The following PLXNA1 variants were observed in gnomAD, a reference collection of about 807,000 sequenced individuals.
PLXNA1 encodes plexin A1, also known as plexin-A1.
A neutral mutation model predicts 191.7 loss-of-function variants in PLXNA1; 77 were observed. That is an observed-to-expected ratio of 0.40 (90% confidence interval 0.33 to 0.49). The LOEUF (loss-of-function observed/expected upper bound fraction) is 0.49, where lower values mean the gene tolerates loss of function less well. PLXNA1 is among the 20% of genes least tolerant of loss of function. The probability of loss-of-function intolerance (pLI) is 0.63; values close to 1 mark genes in which losing one functional copy is unlikely to be tolerated. For missense variants in PLXNA1, 2,110 were observed against 2,660.2 expected (o/e 0.79, Z 4.55); for synonymous variants, 1,137 against 1,156.4 (o/e 0.98, Z 0.34).
Position 126,989,206 on chromosome 3 carries a change from C to T in PLXNA1, c.613C>T (p.Arg205Trp), listed in dbSNP as rs1576667727. The T allele has an allele frequency of 8.7e-6, 14 of 1,613,646 alleles. No individual in the cohort carries two copies. The highest frequency in any genetic ancestry group is 1.2e-5 in the Non-Finnish European group (14 of 1,180,048). Reference sequence around the variant, plus strand: ...GTACTTCCCCACACTGTCCAGCCGTCGGCTCATGGCCAACGAGGAGGATGC... The same window carrying T: ...GTACTTCCCCACACTGTCCAGCCGTTGGCTCATGGCCAACGAGGAGGATGC... ...SEYFPTLSSR[R>W]LMANEEDADM... The change falls in exon 2 of 32, where the codon CGG becomes TGG. Residue 205 changes from arginine to tryptophan, a missense_variant. Transcript: ENST00000393409.
intron 29 of PLXNA1, among the ~76,000 whole-genome samples, chr3:127,031,000 G>A (rs2079207377): frequency 6.6e-6 from 1 of 152,138 alleles, no homozygotes; most frequent in Admixed American, 6.5e-5. Flanking sequence ...GTTATGAAGA[G>A]GCACCCAGCC....
intron 8 of PLXNA1, 27 bp downstream of exon 8, chr3:127,006,205 G>C: frequency 6.4e-7 from 1 of 1,557,466 alleles, no homozygotes; most frequent in Non-Finnish European, 8.9e-7. Context: ...CCCTCCGCCC[G>C]CCTGGGCCTG....
At chr3:127,028,152 G>T (rs774241636) in intron 24 of PLXNA1, 29 bp from the exon 25 acceptor site, 28 of 1,612,930 alleles carry the variant, frequency 1.7e-5, no homozygotes, top group South Asian at 3.3e-5. Flanking sequence ...TGGGGCTGAC[G>T]CTGCCCCCTT....
At chr3:127,030,206 C>T (rs369322401) in intron 28 of PLXNA1, 37 bp from the exon 29 acceptor site, 392 of 1,603,806 alleles carry the variant, frequency 2.4e-4, no homozygotes, top group Non-Finnish European at 1.2e-4. Flanking sequence ...AGCCAGGCAG[C>T]GCCCTGGGGC....
At position 127,030,238 on chromosome 3, in the gene PLXNA1, C is replaced by G; in HGVS notation, c.5062-5C>G. ...GGGCTCAGTGTCCCTGCCTGCCCCC[C>G]GCAGGGCACACTGCAGAAGTTTGTG... is the stretch of plus-strand genomic sequence containing the variant. On this transcript the variant is annotated splice_polypyrimidine_tract_variant and splice_region_variant and intron_variant, in intron 28 of 31. Coordinates refer to ENST00000393409, the MANE Select transcript of PLXNA1 (RefSeq NM_032242.4). 4 of 1,612,834 alleles carry G rather than the reference C, an allele frequency of 2.5e-6. No individual in the cohort carries two copies. Among genetic ancestry groups the G allele is most frequent in the Non-Finnish European group, 3.4e-6 (4 of 1,179,440 alleles).
chr3:126,999,080 G>C (rs919224093), intron 3 of PLXNA1, among the ~76,000 whole-genome samples: 4 of 152,194 alleles, frequency 2.6e-5, no homozygotes, highest in Non-Finnish European at 5.9e-5. Flanking sequence ...GGGGTGAGGA[G>C]GGTCTGGGAG....
At chr3:127,000,407 C>T (rs939679655) in intron 3 of PLXNA1, among the ~76,000 whole-genome samples, 2 of 152,158 alleles carry the variant, frequency 1.3e-5, no homozygotes, top group African/African-American at 2.4e-5. Context: ...CAGCTGTGGC[C>T]AGGGTGTGGG....
chr3:126,991,134 T>G (rs543211245), intron 2 of PLXNA1, among the ~76,000 whole-genome samples: 1 of 152,226 alleles, frequency 6.6e-6, no homozygotes, highest in South Asian at 2.1e-4. Flanking sequence ...CCCTCCACAC[T>G]GGCCCCCAGC....
chr3:127,018,517 A>G lies in PLXNA1; in HGVS notation c.3884A>G (p.Glu1295Gly). The part of the protein sequence containing the change: ...MDNLESRVAL[E>G]CKEAFAELQT... ...AACCTGGAGTCCCGCGTGGCCCTCGAATGCAAGGAAGGTCTGTTGGGGCCA... is the reference window on the plus strand; with the variant it reads ...AACCTGGAGTCCCGCGTGGCCCTCGGATGCAAGGAAGGTCTGTTGGGGCCA... Residue 1295 changes from glutamate to glycine, a missense_variant, in exon 20 of 32, where the codon GAA becomes GGA. This residue lies in a region of PLXNA1 where 559 missense variants were observed against 911.5 expected (regional missense o/e 0.61). Transcript: ENST00000393409. 6.2e-7 allele frequency: 1 copy of G among 1,608,438 alleles called. No individual in the cohort carries two copies. The highest frequency in any genetic ancestry group is 8.5e-7 in the Non-Finnish European group (1 of 1,176,470).
At chr3:126,997,898 C>T (rs76724636) in intron 3 of PLXNA1, among the ~76,000 whole-genome samples, 4,293 of 152,344 alleles carry the variant, frequency 0.028, 100 homozygotes, top group Middle Eastern at 0.051. Context: ...TTCCCCATGC[C>T]GTCCTGTGTG....
At chr3:126,993,364 C>T (rs1023190659) in intron 3 of PLXNA1, among the ~76,000 whole-genome samples, 8 of 152,234 alleles carry the variant, frequency 5.3e-5, no homozygotes, top group African/African-American at 1.9e-4. Context: ...GAGGACCGTT[C>T]TCAGGGAGGC....
chr3:127,028,850 T>G, intron 25 of PLXNA1, 143 bp from the exon 26 acceptor site: 2 of 627,226 alleles, frequency 3.2e-6, no homozygotes, highest in African/African-American at 3.7e-5. Context: ...GCAGGTTAAG[T>G]GTGCTGCAGC....
chr3:127,016,554 G>T lies in PLXNA1; in HGVS notation c.3052G>T (p.Gly1018Trp). ...SREIRCLTPP[G>W]QSPGSAPIII... ...TGAGATCCGGTGCCTGACACCCCCC[G>T]GGCAGAGCCCTGGCAGCGCTCCCAT... is the stretch of plus-strand genomic sequence containing the variant. Residue 1018 changes from glycine to tryptophan, a missense_variant, in exon 16 of 32, where the codon GGG (glycine) becomes TGG (tryptophan). Around this residue, in one of 4 missense-constraint regions of PLXNA1, gnomAD observed 644 missense variants for 714.3 expected, o/e 0.90. Transcript: ENST00000393409. 1.2e-6 allele frequency: 2 copies of T among 1,613,822 alleles called. No homozygotes were observed. The highest frequency in any genetic ancestry group is 1.3e-5 in the African/African-American group (1 of 75,018).
chr3:126,988,792 G>A lies in PLXNA1; in HGVS notation c.199G>A (p.Ala67Thr), dbSNP rs376514048. 3.1e-6 allele frequency: 5 copies of A among 1,610,840 alleles called. No homozygotes were observed. Among genetic ancestry groups the A allele is most frequent in the African/African-American group, 1.3e-5 (1 of 74,914 alleles). ...HEQTGEVYVG[A>T]VNRIYKLSGN... ...GCAGACAGGCGAGGTGTATGTGGGC[G>A]CAGTGAACCGCATCTATAAGCTGTC... The change falls in exon 2 of 32, where the codon GCA (alanine) becomes ACA (threonine). Residue 67 changes from alanine (A) to threonine (T), a missense_variant. Ala to Thr is a moderately conservative substitution (Grantham distance 58). Around this residue, in one of 4 missense-constraint regions of PLXNA1, gnomAD observed 903 missense variants for 1,015.7 expected, o/e 0.89. Coordinates refer to ENST00000393409, the MANE Select transcript of PLXNA1 (RefSeq NM_032242.4).
rs115014564 is a variant in PLXNA1, at chr3:127,011,024, G to A, written c.2113-934G>A. On this transcript the variant is annotated intron_variant, in intron 9 of 31. Coordinates refer to ENST00000393409, the MANE Select transcript of PLXNA1 (RefSeq NM_032242.4). ...AAGGTGACAAGGCCCACGGTGGCCCGTGTCACGGTGAGACTCCAGCCTGAG... is the reference window on the plus strand; with the variant it reads ...AAGGTGACAAGGCCCACGGTGGCCCATGTCACGGTGAGACTCCAGCCTGAG... Among the ~76,000 whole-genome samples the A allele has an allele frequency of 6.1e-3, 923 of 152,308 alleles. 11 individuals are homozygous for A. The highest frequency in any genetic ancestry group is 0.021 in the African/African-American group (873 of 41,576).
At chr3:127,011,299 C>T (rs1447400935) in intron 9 of PLXNA1, among the ~76,000 whole-genome samples, 1 of 152,166 alleles carries the variant, frequency 6.6e-6, no homozygotes, top group Non-Finnish European at 1.5e-5. Context: ...GCCTTGTTAA[C>T]TCTGCTTCCC....
At chr3:126,992,375 A>G (rs1361352884) in intron 3 of PLXNA1, among the ~76,000 whole-genome samples, 1 of 152,056 alleles carries the variant, frequency 6.6e-6, no homozygotes, top group East Asian at 1.9e-4. Context: ...AACCGGCACC[A>G]GAGGCTGGTG....
chr3:126,998,222 G>A (rs549833889), intron 3 of PLXNA1, among the ~76,000 whole-genome samples: 1 of 152,326 alleles, frequency 6.6e-6, no homozygotes, highest in Non-Finnish European at 1.5e-5. Context: ...TGTGTGGTGG[G>A]TCACTTCACC....
intron 22 of PLXNA1, 96 bp downstream of exon 22, chr3:127,022,437 T>C: frequency 6.8e-7 from 1 of 1,471,258 alleles, no homozygotes; most frequent in Admixed American, 2.0e-5. Context: ...GCTGTGGCAG[T>C]TCCCACCGGG....
Sources: gnomAD v4.1 joint callset for allele counts (sites outside exome capture counted in the v4.1 genomes callset) on GRCh38, gnomAD v4.1.1 for gene constraint, gnomAD v4.1.1 regional missense constraint, MANE v1.5 for transcripts, NCBI Gene and HGNC (gene_info 2026-07-23, HGNC 2026-07-21) for gene names.